VAV2: variants seen among roughly 807,000 people sequenced by gnomAD.
The protein encoded by VAV2 is vav guanine nucleotide exchange factor 2.
VAV2 carries 67 observed loss-of-function variants against 132.5 expected under a neutral mutation model. That is an observed-to-expected ratio of 0.51 (90% CI 0.42 to 0.62). VAV2 has a LOEUF of 0.62. VAV2 is among the 20% of genes least tolerant of loss of function. The pLI, the probability that VAV2 is intolerant of heterozygous loss-of-function variation, is 0.00. For synonymous variants in VAV2, 492 were observed against 443.5 expected (o/e 1.11, Z -1.37); for missense variants, 938 against 1,153.6 (o/e 0.81, Z 2.71).
At chr9:133,963,796 G>A (rs1272386703) in intron 1 of VAV2, among the ~76,000 whole-genome samples, 1 of 151,980 alleles carries the variant, frequency 6.6e-6, no homozygotes, top group Non-Finnish European at 1.5e-5. Context: ...TCTGGCTTCA[G>A]AGATGTCAGA....
intron 2 of VAV2, among the ~76,000 whole-genome samples, chr9:133,920,170 G>C (rs1219158391): frequency 6.6e-6 from 1 of 152,104 alleles, no homozygotes; most frequent in Admixed American, 6.5e-5. Context: ...TGCCATCAAA[G>C]GCAGAGCTGA....
chr9:133,982,420 A>G (rs143151518), intron 1 of VAV2, among the ~76,000 whole-genome samples: 1 of 125,776 alleles, frequency 8.0e-6, no homozygotes, highest in Admixed American at 8.0e-5. Flanking sequence ...GCAGGAGGCC[A>G]CAAGAGGGGA....
intron 2 of VAV2, among the ~76,000 whole-genome samples, chr9:133,890,316 G>A (rs918037481): frequency 1.2e-4 from 18 of 152,190 alleles, no homozygotes; most frequent in African/African-American, 3.9e-4. Context: ...AGGGACTGAC[G>A]GCGCGTCTCA....
At chr9:133,784,722 A>G (rs1377468603) in intron 17 of VAV2, among the ~76,000 whole-genome samples, 1 of 152,172 alleles carries the variant, frequency 6.6e-6, no homozygotes. Context: ...GGTATTTGTT[A>G]AAACTCAGAA....
chr9:133,975,408 C>T (rs917117192), intron 1 of VAV2, among the ~76,000 whole-genome samples: 1 of 152,194 alleles, frequency 6.6e-6, no homozygotes, highest in African/African-American at 2.4e-5. Flanking sequence ...TCTGGGGGGC[C>T]CAGCCTCAGA....
chr9:133,844,545 G>A (rs905351511), intron 3 of VAV2, among the ~76,000 whole-genome samples: 7 of 152,222 alleles, frequency 4.6e-5, no homozygotes, highest in South Asian at 2.1e-4. Flanking sequence ...TCCCTGGCAC[G>A]GCTGCTCCAC....
At chr9:133,977,402 A>AG (rs1842549036) in intron 1 of VAV2, among the ~76,000 whole-genome samples, 1 of 152,156 alleles carries the variant, frequency 6.6e-6, no homozygotes, top group South Asian at 2.1e-4. Context: ...AGAGGGCAGG[A>AG]GGGTCTCAGG....
At position 133,763,741 on chromosome 9, in the gene VAV2, G is replaced by A. The variant is rs1451245152; in HGVS notation, c.*321C>T. 4 of 382,492 alleles carry A rather than the reference G, an allele frequency of 1.0e-5. No individual in the cohort carries two copies. The highest frequency in any genetic ancestry group is 5.4e-5 in the East Asian group (1 of 18,558). The allele number at this position is 382,492 out of a possible 1,614,324, so 23.7% of individuals were successfully genotyped here. ...CTGAAGGCCATCTCAGTTGGACAGG[G>A]GCAGGCGATGGGCCTCTGGCCTCAG... On this transcript the variant is annotated 3_prime_UTR_variant, in exon 30 of 30. Coordinates refer to ENST00000371850, the MANE Select transcript of VAV2 (RefSeq NM_001134398.2). The surrounding 1 kb of genome is among the most constrained non-coding windows in gnomAD (Gnocchi z 6.8).
At chr9:133,846,662 C>A (rs996534203) in intron 3 of VAV2, among the ~76,000 whole-genome samples, 1 of 152,202 alleles carries the variant, frequency 6.6e-6, no homozygotes, top group African/African-American at 2.4e-5. Flanking sequence ...CCATCAGGGC[C>A]CAGCCAGGGC....
At chr9:133,970,281 C>A (rs759990387) in intron 1 of VAV2, among the ~76,000 whole-genome samples, 2 of 152,168 alleles carry the variant, frequency 1.3e-5, no homozygotes, top group African/African-American at 4.8e-5. Flanking sequence ...ACACAGCAAG[C>A]GATGTGAGGA....
chr9:133,800,423 G>A (rs1282434390), intron 9 of VAV2, among the ~76,000 whole-genome samples: 1 of 152,206 alleles, frequency 6.6e-6, no homozygotes, highest in Non-Finnish European at 1.5e-5. Context: ...AGTCCCCAGC[G>A]AGGGGTCCTG....
rs527236217 is a variant in VAV2, at chr9:133,788,645, G to A, written c.1275-159C>T. Reference sequence around the variant, plus strand: ...CCAGGCTAATGCTGAGCCTCGGTCAGGTCTCGGCTGTTCCCACACTGCTTC... The same window carrying A: ...CCAGGCTAATGCTGAGCCTCGGTCAAGTCTCGGCTGTTCCCACACTGCTTC... On this transcript the variant is annotated intron_variant, in intron 14 of 29. Coordinates refer to ENST00000371850, the MANE Select transcript of VAV2 (RefSeq NM_001134398.2). This position sits in a 1 kb window ranked among gnomAD's most constrained non-coding sequence, Gnocchi z 5.3. Among the ~76,000 whole-genome samples, 5 of 152,272 alleles carry A rather than the reference G, an allele frequency of 3.3e-5. No homozygotes were observed. The highest frequency in any genetic ancestry group is 1.2e-4 in the African/African-American group (5 of 41,574).
At chr9:133,947,393 C>T (rs146684189) in intron 1 of VAV2, among the ~76,000 whole-genome samples, 4 of 152,186 alleles carry the variant, frequency 2.6e-5, no homozygotes, top group South Asian at 2.1e-4. Context: ...CAGGGAGGCC[C>T]GTATCTGCTT....
intron 1 of VAV2, among the ~76,000 whole-genome samples, chr9:133,977,317 G>T (rs1842546056): frequency 6.6e-6 from 1 of 152,188 alleles, no homozygotes; most frequent in Non-Finnish European, 1.5e-5. Flanking sequence ...ATGACTGCGG[G>T]ATCATTTCTC....
intron 7 of VAV2, 126 bp from the exon 8 acceptor site, chr9:133,807,452 G>A (rs1046889366): frequency 1.1e-6 from 1 of 930,724 alleles, no homozygotes; most frequent in Admixed American, 3.0e-5. Flanking sequence ...GCTTACTGGG[G>A]TAGCCTGTGT....
chr9:133,951,365 G>A (rs1164002176), intron 1 of VAV2, among the ~76,000 whole-genome samples: 1 of 152,178 alleles, frequency 6.6e-6, no homozygotes, highest in Non-Finnish European at 1.5e-5. Context: ...GGACTGTGGG[G>A]CTTTCAGCCT....
intron 21 of VAV2, 120 bp from the exon 22 acceptor site, chr9:133,779,009 G>A (rs1014498406): frequency 8.4e-6 from 11 of 1,304,260 alleles, no homozygotes; most frequent in Middle Eastern, 1.9e-4. Context: ...ACAGCCTTGC[G>A]CCTGCATCTC....
At chr9:133,931,787 G>A (rs759136278) in intron 2 of VAV2, among the ~76,000 whole-genome samples, 3 of 152,176 alleles carry the variant, frequency 2.0e-5, no homozygotes, top group Non-Finnish European at 2.9e-5. Context: ...ACCTGCCCAG[G>A]GCCCCGCGAA....
At chr9:133,990,656 G>C (rs1298929785) in intron 1 of VAV2, among the ~76,000 whole-genome samples, 1 of 152,198 alleles carries the variant, frequency 6.6e-6, no homozygotes, top group East Asian at 1.9e-4. Context: ...GCCCAGCCCT[G>C]CTCCCCAACA....
Sources: gnomAD v4.1 joint callset for allele counts (sites outside exome capture counted in the v4.1 genomes callset) on GRCh38, gnomAD v4.1.1 for gene constraint, Gnocchi (gnomAD v3.1) non-coding constraint, MANE v1.5 for transcripts, NCBI Gene and HGNC (gene_info 2026-07-23, HGNC 2026-07-21) for gene names.